Variants in KLF8 observed in about 807,000 individuals in gnomAD.
The protein encoded by KLF8 is Krueppel-like factor 8.
In KLF8, 10 loss-of-function variants were observed where a neutral mutation model predicts 18.2. That is an observed-to-expected ratio of 0.55 (90% CI 0.34 to 0.93). KLF8 has a LOEUF of 0.93. KLF8 is among the 40% of genes least tolerant of loss of function. The pLI, the probability that KLF8 is intolerant of heterozygous loss-of-function variation, is 0.02. For synonymous variants in KLF8, 109 were observed against 97.3 expected, an observed-to-expected ratio of 1.12 and a Z score of -0.71; for missense variants, 264 against 277.9, an observed-to-expected ratio of 0.95 and a Z score of 0.36.
At chrX:56,273,175 T>G (rs1277255813) in intron 5 of KLF8, among the ~76,000 whole-genome samples, 1 of 111,689 alleles carries the variant, frequency 9.0e-6, no homozygotes, top group Non-Finnish European at 1.9e-5. Context: ...TTTTATTTTA[T>G]TCTCATATTT....
At chrX:56,045,100 C>T in the KLF8 span, among the ~76,000 whole-genome samples, 1 of 111,676 alleles carries the variant, frequency 9.0e-6, no homozygotes, top group Non-Finnish European at 1.9e-5. Flanking sequence ...GATCCAGTTT[C>T]GTTCATCTAC....
At chrX:56,110,143 C>T in the KLF8 span, among the ~76,000 whole-genome samples, 1 of 111,733 alleles carries the variant, frequency 8.9e-6, no homozygotes, top group African/African-American at 3.3e-5. Context: ...CATAGTATTC[C>T]ATGGTGAATA....
chrX:56,177,782 T>C, the KLF8 span, among the ~76,000 whole-genome samples: 1 of 111,565 alleles, frequency 9.0e-6, no homozygotes, highest in African/African-American at 3.3e-5. Context: ...TTTGTTTACC[T>C]ACTCAAGCCT....
chrX:56,209,401 C>A, the KLF8 span, among the ~76,000 whole-genome samples: 2 of 110,877 alleles, frequency 1.8e-5, no homozygotes, highest in Non-Finnish European at 3.8e-5. Flanking sequence ...CTCGTTTTTT[C>A]ATTCATTGAG....
chrX:55,916,400 T>G, the KLF8 span, among the ~76,000 whole-genome samples: 1 of 112,045 alleles, frequency 8.9e-6, no homozygotes, highest in South Asian at 3.7e-4. Context: ...GTGCTCCCAG[T>G]GGCCTAGTCC....
the KLF8 span, among the ~76,000 whole-genome samples, chrX:55,988,152 G>C: frequency 5.4e-5 from 6 of 111,745 alleles, no homozygotes; most frequent in South Asian, 2.2e-3. Flanking sequence ...TCTGTAGGCT[G>C]CCTGTTTACT....
the KLF8 span, among the ~76,000 whole-genome samples, chrX:55,938,695 G>A: frequency 2.9e-4 from 32 of 109,836 alleles, no homozygotes; most frequent in African/African-American, 1.1e-3. Flanking sequence ...CCAAGCAAAT[G>A]GAAAACAAAA....
the KLF8 span, among the ~76,000 whole-genome samples, chrX:55,998,453 G>T: frequency 8.9e-6 from 1 of 112,464 alleles, no homozygotes; most frequent in African/African-American, 3.2e-5. Flanking sequence ...CGCAGTTTTT[G>T]TGTCCCTGGG....
the KLF8 span, among the ~76,000 whole-genome samples, chrX:56,088,317 T>C: frequency 8.9e-6 from 1 of 111,843 alleles, no homozygotes; most frequent in Non-Finnish European, 1.9e-5. Flanking sequence ...TTTTATCTGC[T>C]AGATTGATGA....
At chrX:56,058,754 A>C in the KLF8 span, among the ~76,000 whole-genome samples, 1 of 111,163 alleles carries the variant, frequency 9.0e-6, no homozygotes, top group African/African-American at 3.3e-5. Context: ...TCTATCATTG[A>C]TGGGCATTTG....
the KLF8 span, among the ~76,000 whole-genome samples, chrX:56,056,645 G>C: frequency 1.5e-5 from 1 of 64,517 alleles, no homozygotes; most frequent in Non-Finnish European, 2.7e-5. Flanking sequence ...TCTGGGGACT[G>C]TGGTGGGGTG....
the KLF8 span, among the ~76,000 whole-genome samples, chrX:56,215,092 A>G: frequency 8.9e-6 from 1 of 111,841 alleles, no homozygotes; most frequent in Non-Finnish European, 1.9e-5. Context: ...TTTATTTGGA[A>G]TCTCCTAGAG....
chrX:56,090,620 A>G, the KLF8 span, among the ~76,000 whole-genome samples: 1 of 111,431 alleles, frequency 9.0e-6, no homozygotes, highest in African/African-American at 3.3e-5. Flanking sequence ...TCTTTTTTTG[A>G]GAAATTTCTA....
At chrX:55,945,444 CATT>C in the KLF8 span, among the ~76,000 whole-genome samples, 3 of 110,948 alleles carry the variant, frequency 2.7e-5, no homozygotes, top group African/African-American at 9.9e-5. Flanking sequence ...TAAAGTCTCC[CATT>C]ATTGTTGTGT....
the KLF8 span, among the ~76,000 whole-genome samples, chrX:55,978,800 G>A: frequency 8.9e-6 from 1 of 111,883 alleles, no homozygotes; most frequent in Non-Finnish European, 1.9e-5. Context: ...AGTAAGGACA[G>A]GCAGCAATAT....
At chrX:56,266,184 C>T (rs942081424) in intron 3 of KLF8, 2 of 757,982 alleles carry the variant, frequency 2.6e-6, no homozygotes, top group Non-Finnish European at 3.1e-6. Context: ...ATTCAGAATG[C>T]TTTGGTGGGA....
At chrX:55,910,585 A>G in the KLF8 span, among the ~76,000 whole-genome samples, 1 of 111,858 alleles carries the variant, frequency 8.9e-6, no homozygotes, top group Non-Finnish European at 1.9e-5. Flanking sequence ...AGAGTGCGGG[A>G]TATAAGGTCA....
At chrX:56,238,749 T>A (rs1288022083) in intron 1 of KLF8, among the ~76,000 whole-genome samples, 1 of 111,885 alleles carries the variant, frequency 8.9e-6, no homozygotes, top group Non-Finnish European at 1.9e-5. Flanking sequence ...TAGTTCTACT[T>A]TGATTCTTTC....
chrX:56,184,061 G>A, the KLF8 span, among the ~76,000 whole-genome samples: 1 of 112,579 alleles, frequency 8.9e-6, no homozygotes, highest in East Asian at 2.8e-4. Context: ...AGTCGAAGCA[G>A]AGTGAGGCAT....
Sources: allele counts gnomAD v4.1 joint callset (sites outside exome capture counted in the v4.1 genomes callset), GRCh38; gene constraint gnomAD v4.1.1; transcripts MANE v1.5; gene names NCBI Gene and HGNC (gene_info 2026-07-23, HGNC 2026-07-21).